Variants in RAD51B observed in about 807,000 individuals in gnomAD.
RAD51B encodes the protein RAD51 paralog B.
A neutral mutation model predicts 42.2 loss-of-function variants in RAD51B; 38 were observed. The ratio of observed to expected loss-of-function variants is 0.90; its 90% CI spans 0.70 to 1.18. The LOEUF (loss-of-function observed/expected upper bound fraction) is 1.18. RAD51B is among the 50% of genes most tolerant of loss of function. RAD51B has a pLI of 0.00. For synonymous variants in RAD51B, 154 were observed against 145.2 expected, an observed-to-expected ratio of 1.06 and a Z score of -0.43; for missense variants, 373 against 400.7, an observed-to-expected ratio of 0.93 and a Z score of 0.59.
At chr14:68,470,724 G>A (rs2086102615) in intron 10 of RAD51B, 1 of 436,636 alleles carries the variant, frequency 2.3e-6, no homozygotes. Context: ...GTGTGATTGT[G>A]TGTTTGTGAA....
At chr14:68,263,955 G>A (rs1366556180) in intron 7 of RAD51B, among the ~76,000 whole-genome samples, 2 of 152,196 alleles carry the variant, frequency 1.3e-5, no homozygotes, top group African/African-American at 4.8e-5. Context: ...CACCATTTTG[G>A]TGCTTGTCTT....
chr14:68,171,798 C>T (rs535137591), intron 7 of RAD51B, among the ~76,000 whole-genome samples: 6 of 152,056 alleles, frequency 3.9e-5, no homozygotes, highest in South Asian at 2.1e-4. Flanking sequence ...CCTCTGCCTC[C>T]GGGGTTCAAG....
rs570162039 is a variant in RAD51B, at chr14:68,646,836, A to G, written c.1037-3945A>G. 4.0e-4 allele frequency among the ~76,000 whole-genome samples: 61 copies of G among 152,344 alleles called. 1 individual carries two copies. In the South Asian group the frequency reaches 0.012, roughly 30 times the overall value. On this transcript the variant is annotated intron_variant, in intron 10 of 11. Coordinates refer to the RAD51B transcript ENST00000488612. ...TTTGATGAATAAAATCTCTTCCTTC[A>G]CAATGACTTGTGATGATACTTTAGC...
chr14:67,926,751 G>A (rs554603729), intron 7 of RAD51B, among the ~76,000 whole-genome samples: 15 of 151,696 alleles, frequency 9.9e-5, no homozygotes, highest in African/African-American at 3.6e-4. Context: ...TTTAGTAGGG[G>A]TGGGGTTTCA....
intron 8 of RAD51B, among the ~76,000 whole-genome samples, chr14:68,372,646 T>C (rs909200549): frequency 1.3e-5 from 2 of 152,194 alleles, no homozygotes; most frequent in Non-Finnish European, 2.9e-5. Flanking sequence ...AAAACTTATG[T>C]CACCACTTTA....
rs113454090 is a variant in RAD51B at position 68,115,135 on chromosome 14, G to A, written c.757-176749G>A. 3.7e-3 allele frequency among the ~76,000 whole-genome samples: 497 copies of A among 135,626 alleles called. 4 individuals are homozygous for A. The highest frequency in any genetic ancestry group is 0.015 in the African/African-American group (430 of 28,080). 89.0% of individuals were successfully genotyped at this position (135,626 alleles called of 152,430 possible). On this transcript the variant is annotated intron_variant, in intron 7 of 10. Coordinates refer to ENST00000471583, the MANE Select transcript of RAD51B (RefSeq NM_133510.4). Reference sequence around the variant, plus strand: ...GCATTATTCACAATAGCAAAGACTTGGAACCAACCCAAATGTCCAACAATG... The same window carrying A: ...GCATTATTCACAATAGCAAAGACTTAGAACCAACCCAAATGTCCAACAATG...
At position 67,962,278 on chromosome 14, in the gene RAD51B, A is replaced by G. The variant is rs542724907; in HGVS notation, c.756+75074A>G. 1.2e-3 allele frequency among the ~76,000 whole-genome samples: 185 copies of G among 152,320 alleles called. 1 individual carries two copies. Among genetic ancestry groups the G allele is most frequent in the African/African-American group, 3.6e-3 (151 of 41,570 alleles). On this transcript the variant is annotated intron_variant, in intron 7 of 10. Coordinates refer to ENST00000471583, the MANE Select transcript of RAD51B (RefSeq NM_133510.4). ...GAAGTGGACCCAACAAATCAAACTA[A>G]AAAAGTATTTGGAGAAGTGATATAG...
At chr14:68,533,403 T>C (rs917682750) in intron 10 of RAD51B, among the ~76,000 whole-genome samples, 3 of 152,148 alleles carry the variant, frequency 2.0e-5, no homozygotes, top group Admixed American at 6.5e-5. Flanking sequence ...AAGAAGTTGA[T>C]TGTGCAGAAA....
At chr14:67,849,277 T>C (rs2041724104) in intron 4 of RAD51B, among the ~76,000 whole-genome samples, 1 of 152,054 alleles carries the variant, frequency 6.6e-6, no homozygotes. Flanking sequence ...ATTCTTTCTT[T>C]CTTTTTTTTT....
Position 68,341,422 on chromosome 14 carries a change from A to G in RAD51B, c.853+49442A>G, listed in dbSNP as rs576935793. ...AGTCTGAACCTTATTTTCTTAGGTCAAAGACATGGTAGAAGCAATTTATAA... is the reference window on the plus strand; with the variant it reads ...AGTCTGAACCTTATTTTCTTAGGTCGAAGACATGGTAGAAGCAATTTATAA... On this transcript the variant is annotated intron_variant, in intron 8 of 10. Transcript: ENST00000471583. 2.6e-5 allele frequency among the ~76,000 whole-genome samples: 4 copies of G among 152,356 alleles called. No homozygotes were observed. The Middle Eastern group carries it at 0.014, about 518-fold the overall frequency.
At chr14:68,265,182 CAG>C (rs2080966348) in intron 7 of RAD51B, among the ~76,000 whole-genome samples, 1 of 152,194 alleles carries the variant, frequency 6.6e-6, no homozygotes. Flanking sequence ...GTAGTTTAGA[CAG>C]AATTCTTAAA....
rs369648245 is a variant in RAD51B at position 68,318,953 on chromosome 14, G to A, written c.853+26973G>A. On this transcript the variant is annotated intron_variant, in intron 8 of 10. Coordinates refer to ENST00000471583, the MANE Select transcript of RAD51B (RefSeq NM_133510.4). The stretch of plus-strand genomic sequence containing the variant: ...CTCTTACAAGTATCATGTCTTAAAC[G>A]TCAGCCAACCAGTAATTATTTAGAT... 9.6e-4 allele frequency among the ~76,000 whole-genome samples: 146 copies of A among 152,208 alleles called. 1 individual carries two copies. Among genetic ancestry groups the A allele is most frequent in the African/African-American group, 2.5e-3 (105 of 41,538 alleles).
intron 10 of RAD51B, among the ~76,000 whole-genome samples, chr14:68,559,316 CT>C (rs1889024576): frequency 6.6e-6 from 1 of 151,722 alleles, no homozygotes; most frequent in African/African-American, 2.4e-5. Flanking sequence ...TAAATATAAT[CT>C]GTCATACATA....
intron 9 of RAD51B, among the ~76,000 whole-genome samples, chr14:68,439,334 C>T (rs973905200): frequency 6.6e-6 from 1 of 152,170 alleles, no homozygotes; most frequent in Admixed American, 6.5e-5. Context: ...TCCTTGATTC[C>T]TCCAGCCCTG....
intron 7 of RAD51B, among the ~76,000 whole-genome samples, chr14:68,062,966 C>G (rs763433970): frequency 1.3e-5 from 2 of 151,932 alleles, no homozygotes; most frequent in African/African-American, 2.4e-5. Flanking sequence ...CTGGTTCAAT[C>G]TTGGTAGATC....
chr14:68,084,917 T>C (rs2076963166), intron 7 of RAD51B, among the ~76,000 whole-genome samples: 1 of 152,186 alleles, frequency 6.6e-6, no homozygotes, highest in Admixed American at 6.5e-5. Flanking sequence ...ATAACATTGG[T>C]GAGAAATGAT....
At chr14:67,940,789 A>AG (rs1193913817) in intron 7 of RAD51B, among the ~76,000 whole-genome samples, 1 of 151,938 alleles carries the variant, frequency 6.6e-6, no homozygotes, top group Non-Finnish European at 1.5e-5. Context: ...TAGGAAAAAA[A>AG]AAACACAGAA....
intron 10 of RAD51B, chr14:68,594,403 A>G (rs1890895079): frequency 2.3e-6 from 3 of 1,281,664 alleles, no homozygotes; most frequent in Non-Finnish European, 3.1e-6. Flanking sequence ...TTCCTCAACC[A>G]TCCTCTTCAG....
chr14:68,576,627 C>G (rs2140050302), intron 10 of RAD51B, among the ~76,000 whole-genome samples: 1 of 152,278 alleles, frequency 6.6e-6, no homozygotes, highest in Middle Eastern at 3.4e-3. Flanking sequence ...TGGACCCAGG[C>G]CTTGGTACTT....
Sources: allele counts gnomAD v4.1 joint callset (sites outside exome capture counted in the v4.1 genomes callset), GRCh38; gene constraint gnomAD v4.1.1; transcripts MANE v1.5; gene names NCBI Gene and HGNC (gene_info 2026-07-23, HGNC 2026-07-21).